The following NPAS3 variants were observed in gnomAD, a reference collection of about 807,000 sequenced individuals.
NPAS3 encodes the protein neuronal PAS domain-containing protein 3.
A neutral mutation model predicts 73.1 loss-of-function variants in NPAS3; 14 were observed. The ratio of observed to expected loss-of-function variants is 0.19; its 90% CI spans 0.13 to 0.30. NPAS3 has a LOEUF of 0.30. Ranked by LOEUF, NPAS3 falls within the 10% of genes least tolerant of loss-of-function variation. The pLI is 1.00. For synonymous variants in NPAS3, 620 were observed against 541.5 expected, an observed-to-expected ratio of 1.14 and a Z score of -2.01; for missense variants, 1,096 against 1,250.0, an observed-to-expected ratio of 0.88 and a Z score of 1.86.
chr14:33,576,170 T>A (rs2056425398), intron 5 of NPAS3, among the ~76,000 whole-genome samples: 1 of 152,194 alleles, frequency 6.6e-6, no homozygotes. Flanking sequence ...GTGGGATGGT[T>A]GTAGCACCAG....
intron 3 of NPAS3, among the ~76,000 whole-genome samples, chr14:33,239,019 A>T (rs2139818460): frequency 6.6e-6 from 1 of 152,056 alleles, no homozygotes; most frequent in African/African-American, 2.4e-5. Flanking sequence ...AAAAATAAGT[A>T]TGTGATCAAG....
chr14:33,183,433 T>G (rs1392298177), intron 2 of NPAS3, among the ~76,000 whole-genome samples: 13 of 68,108 alleles, frequency 1.9e-4, no homozygotes, highest in Admixed American at 4.0e-4. Flanking sequence ...TTTTTTTTTT[T>G]TTTTTTTTTT....
intron 4 of NPAS3, among the ~76,000 whole-genome samples, chr14:33,499,322 C>A (rs1595036202): frequency 6.6e-6 from 1 of 151,828 alleles, no homozygotes; most frequent in East Asian, 1.9e-4. Flanking sequence ...CCCTATCTTC[C>A]TTTTGTGAAT....
At chr14:33,243,428 T>A (rs904910010) in intron 3 of NPAS3, among the ~76,000 whole-genome samples, 3 of 152,022 alleles carry the variant, frequency 2.0e-5, no homozygotes, top group Non-Finnish European at 4.4e-5. Flanking sequence ...CATCTGGAGG[T>A]CTTGATAAAA....
At chr14:33,381,814 G>A (rs1411811988) in intron 4 of NPAS3, among the ~76,000 whole-genome samples, 2 of 152,152 alleles carry the variant, frequency 1.3e-5, no homozygotes, top group Non-Finnish European at 2.9e-5. Context: ...TTTAAAGCTT[G>A]TCATTTCATT....
intron 6 of NPAS3, among the ~76,000 whole-genome samples, chr14:33,723,997 A>G (rs7141142): frequency 0.11 from 16,629 of 152,176 alleles, 1,008 homozygotes; most frequent in South Asian, 0.21. Flanking sequence ...AGCACGATCA[A>G]ACCTTGGGCT....
At chr14:33,392,460 T>C (rs1368689735) in intron 4 of NPAS3, among the ~76,000 whole-genome samples, 4 of 152,262 alleles carry the variant, frequency 2.6e-5, no homozygotes, top group African/African-American at 7.2e-5. Flanking sequence ...CCAGTGACTA[T>C]GCTTTTCTAA....
At chr14:33,123,687 A>G (rs1461675733) in intron 2 of NPAS3, among the ~76,000 whole-genome samples, 2 of 152,046 alleles carry the variant, frequency 1.3e-5, no homozygotes, top group Non-Finnish European at 2.9e-5. Context: ...CTGGGGAAAT[A>G]ATGGTAAGCT....
chr14:33,400,332 G>A (rs1003080975), intron 4 of NPAS3, among the ~76,000 whole-genome samples: 9 of 152,152 alleles, frequency 5.9e-5, no homozygotes, highest in Non-Finnish European at 1.2e-4. Flanking sequence ...ATAATAGCAA[G>A]TGTTCACCTG....
chr14:33,230,535 A>G (rs1477338831), intron 3 of NPAS3, among the ~76,000 whole-genome samples: 1 of 152,228 alleles, frequency 6.6e-6, no homozygotes, highest in Non-Finnish European at 1.5e-5. Context: ...TAATATTTAC[A>G]TAAAAGAGAA....
upstream of NPAS3, among the ~76,000 whole-genome samples, chr14:32,938,474 A>AGAAAGT (rs1377097798): frequency 2.4e-5 from 3 of 122,852 alleles, no homozygotes; most frequent in Admixed American, 8.0e-5. Context: ...AGAGAGAGAG[A>AGAAAGT]GAGAGAGAAA....
At chr14:33,498,674 T>C (rs1018220723) in intron 4 of NPAS3, among the ~76,000 whole-genome samples, 5 of 149,076 alleles carry the variant, frequency 3.4e-5, no homozygotes, top group African/African-American at 5.0e-5. Context: ...GAACATCACA[T>C]ACTGTGGCCT....
intron 2 of NPAS3, among the ~76,000 whole-genome samples, chr14:33,165,570 A>G (rs1476240081): frequency 6.6e-6 from 1 of 152,162 alleles, no homozygotes; most frequent in Non-Finnish European, 1.5e-5. Flanking sequence ...ATCATTTCTA[A>G]TCTGGAGGCC....
At chr14:33,314,170 A>C (rs943792265) in intron 3 of NPAS3, among the ~76,000 whole-genome samples, 1 of 152,074 alleles carries the variant, frequency 6.6e-6, no homozygotes, top group Non-Finnish European at 1.5e-5. Context: ...GATCAATCCA[A>C]AGGGTTTGTC....
At chr14:33,727,669 G>C (rs1327316708) in intron 6 of NPAS3, among the ~76,000 whole-genome samples, 1 of 151,744 alleles carries the variant, frequency 6.6e-6, no homozygotes, top group Admixed American at 6.6e-5. Context: ...AGAAAGGGGG[G>C]AAAGCCCTCA....
chr14:33,719,727 G>A (rs2061053784), intron 6 of NPAS3, among the ~76,000 whole-genome samples: 1 of 152,076 alleles, frequency 6.6e-6, no homozygotes, highest in African/African-American at 2.4e-5. Context: ...CCTTTCTGAT[G>A]GACTAGTCTC....
chr14:33,613,525 C>T (rs967793432), intron 5 of NPAS3, among the ~76,000 whole-genome samples: 2 of 152,164 alleles, frequency 1.3e-5, no homozygotes. Context: ...GGCTTCCCCT[C>T]TCTTCTCTTC....
At chr14:33,784,748 T>TATTTATTTATTTATTTA (rs58424536) in intron 9 of NPAS3, among the ~76,000 whole-genome samples, 7 of 107,272 alleles carry the variant, frequency 6.5e-5, no homozygotes, top group African/African-American at 1.3e-4. Context: ...TTTATTTATT[T>TATTTATTTATTTATTTA]TTTTTTTTTT....
At chr14:33,788,958 C>T (rs1368185696) in intron 9 of NPAS3, among the ~76,000 whole-genome samples, 3 of 135,914 alleles carry the variant, frequency 2.2e-5, no homozygotes, top group African/African-American at 8.5e-5. Flanking sequence ...TTCAATAAAA[C>T]TTAGCATCCA....
Sources: allele counts gnomAD v4.1 joint callset (sites outside exome capture counted in the v4.1 genomes callset), GRCh38; gene constraint gnomAD v4.1.1; transcripts MANE v1.5; gene names NCBI Gene and HGNC (gene_info 2026-07-23, HGNC 2026-07-21).